The following DIDO1 variants were observed in gnomAD, a reference collection of about 807,000 sequenced individuals.
DIDO1 encodes death inducer-obliterator 1.
Under a neutral mutation model 99.4 loss-of-function variants are expected in DIDO1, and 16 were observed. The observed-to-expected ratio is 0.16, with a 90% CI of 0.11 to 0.24. DIDO1 has a LOEUF of 0.24. Among genes scored for constraint, DIDO1 ranks in the 10% least tolerant of loss-of-function variants. The pLI is 1.00. For missense variants in DIDO1, 2,996 were observed against 3,014.0 expected, an observed-to-expected ratio of 0.99 and a Z score of 0.14; for synonymous variants, 1,366 against 1,239.1, an observed-to-expected ratio of 1.10 and a Z score of -2.15.
chr20:62,923,726 G>A (rs919147052), intron 1 of DIDO1, among the ~76,000 whole-genome samples: 7 of 152,068 alleles, frequency 4.6e-5, no homozygotes, highest in Non-Finnish European at 1.0e-4. Context: ...ACACATTAAG[G>A]TATCTTCATT....
chr20:62,896,747 T>A lies in DIDO1; in HGVS notation c.1838A>T (p.Gln613Leu). Residue 613 changes from glutamine to leucine, a missense_variant, in exon 7 of 16, where the codon CAG becomes CTG. Gln to Leu is a moderately radical substitution (Grantham distance 113). This residue lies in a region of DIDO1 where 898 missense variants were observed against 972.7 expected (regional missense o/e 0.92). Transcript: ENST00000395343. This position sits in a 1 kb window ranked among gnomAD's most constrained non-coding sequence, Gnocchi z 4.4. Reference protein sequence around the residue: ...TPSSGASAARQAGPAPAAATA... With the variant: ...TPSSGASAARLAGPAPAAATA... ...TGCCGCTGCAGGTGCCGGTCCGGCC[T>A]GCCTGGCAGCTGAAGCACCACTCGA... 6.2e-7 allele frequency: 1 copy of A among 1,613,478 alleles called. No individual in the cohort carries two copies. Among genetic ancestry groups the A allele is most frequent in the Non-Finnish European group, 8.5e-7 (1 of 1,179,564 alleles).
chr20:62,913,013 G>A (rs1320537231), intron 2 of DIDO1, among the ~76,000 whole-genome samples: 3 of 152,166 alleles, frequency 2.0e-5, no homozygotes, highest in Admixed American at 6.5e-5. Flanking sequence ...GCCTGGGCGA[G>A]CAAGACTCAG....
At chr20:62,919,812 T>C (rs1008779189) in intron 1 of DIDO1, among the ~76,000 whole-genome samples, 5 of 152,212 alleles carry the variant, frequency 3.3e-5, no homozygotes, top group South Asian at 2.1e-4. Context: ...TACTTCCTAG[T>C]GCAAAACACA....
intron 6 of DIDO1, among the ~76,000 whole-genome samples, chr20:62,898,091 A>T (rs1004208395): frequency 6.6e-6 from 1 of 152,206 alleles, no homozygotes; most frequent in African/African-American, 2.4e-5. Context: ...GGAGAATGTG[A>T]CAGATGCTCC....
At chr20:62,898,888 G>A (rs571130064) in intron 6 of DIDO1, among the ~76,000 whole-genome samples, 1 of 152,346 alleles carries the variant, frequency 6.6e-6, no homozygotes, top group East Asian at 1.9e-4. Context: ...CACTACCTTA[G>A]TGTTTGAAAA....
chr20:62,888,669 C>T (rs992063510), intron 15 of DIDO1: 90 of 985,368 alleles, frequency 9.1e-5, no homozygotes, highest in Middle Eastern at 5.2e-4. Context: ...CACACACGCG[C>T]GCACATGCAC....
chr20:62,894,609 A>T lies in DIDO1; in HGVS notation c.2437-61T>A. ...CTTCTCCAAACTCAGCTCCAAATTAACCACACACAAGAAAAGCAGTCTCAT... is the reference window on the plus strand; with the variant it reads ...CTTCTCCAAACTCAGCTCCAAATTATCCACACACAAGAAAAGCAGTCTCAT... On this transcript the variant is annotated intron_variant, in intron 10 of 15. Transcript: ENST00000395343. The surrounding 1 kb of genome is among the most constrained non-coding windows in gnomAD (Gnocchi z 4.4). 1.3e-6 allele frequency: 2 copies of T among 1,576,314 alleles called. No homozygotes were observed. Among genetic ancestry groups the T allele is most frequent in the East Asian group, 4.5e-5 (2 of 44,316 alleles).
chr20:62,911,133 G>A lies in DIDO1; in HGVS notation c.480C>T (p.Thr160=), dbSNP rs768683986. The part of the protein sequence containing the change: ...DTSDSDSDGL[T]LKELQNRLRR... ...GAAGGCGATTCTGAAGCTCTTTCAA[G>A]GTCAGGCCATCGCTGTCACTATCGG... The change falls in exon 3 of 16, where the codon ACC becomes ACT. Residue 160 remains threonine (T), a synonymous_variant. Coordinates refer to ENST00000395343, the MANE Select transcript of DIDO1 (RefSeq NM_001193369.2). This position sits in a 1 kb window ranked among gnomAD's most constrained non-coding sequence, Gnocchi z 7.0. 6.2e-7 allele frequency: 1 copy of A among 1,613,972 alleles called. No homozygotes were observed. The highest frequency in any genetic ancestry group is 1.3e-5 in the African/African-American group (1 of 74,942).
upstream of DIDO1, among the ~76,000 whole-genome samples, chr20:62,929,692 A>AATATATATATATATATATATATAT: frequency 2.0e-4 from 13 of 63,726 alleles, 1 homozygote; most frequent in South Asian, 6.2e-3. Context: ...AAAAAGAAAA[A>AATATATATATATATATATATATAT]GTGTATATAT....
At chr20:62,918,884 A>G (rs1439162010) in intron 1 of DIDO1, among the ~76,000 whole-genome samples, 1 of 152,208 alleles carries the variant, frequency 6.6e-6, no homozygotes, top group Non-Finnish European at 1.5e-5. Flanking sequence ...TTAAACTACC[A>G]CAAATGAAGG....
chr20:62,925,033 G>A lies in DIDO1; in HGVS notation c.-200+1406C>T, dbSNP rs115582775. Among the ~76,000 whole-genome samples the A allele has an allele frequency of 1.7e-3, 257 of 152,336 alleles. 1 individual carries two copies. The highest frequency in any genetic ancestry group is 6.0e-3 in the African/African-American group (248 of 41,582). ...AAGCAGGGAGTTTCACAACAGGGCTGTGTCTGTCTTCCTGGGTGACACTTC... is the reference window on the plus strand; with the variant it reads ...AAGCAGGGAGTTTCACAACAGGGCTATGTCTGTCTTCCTGGGTGACACTTC... On this transcript the variant is annotated intron_variant, in intron 1 of 15. Coordinates refer to ENST00000395343, the MANE Select transcript of DIDO1 (RefSeq NM_001193369.2).
intron 3 of DIDO1, among the ~76,000 whole-genome samples, chr20:62,910,380 T>C (rs1053726299): frequency 3.9e-5 from 6 of 152,226 alleles, no homozygotes; most frequent in Non-Finnish European, 5.9e-5. Context: ...ATGTTTGCAC[T>C]AGGACACTTG....
upstream of DIDO1, among the ~76,000 whole-genome samples, chr20:62,929,692 A>AAAAAAAAAATATATATATATATATAT: frequency 1.6e-4 from 10 of 63,732 alleles, no homozygotes; most frequent in African/African-American, 7.6e-4. Flanking sequence ...AAAAAGAAAA[A>AAAAAAAAAATATATATATATATATAT]GTGTATATAT....
In DIDO1 at chr20:62,881,851, G is replaced by C; in HGVS notation, c.4105C>G (p.Gln1369Glu). The C allele has an allele frequency of 1.2e-6, 2 of 1,613,546 alleles. No homozygotes were observed. The highest frequency in any genetic ancestry group is 1.1e-5 in the South Asian group (1 of 91,064). ...LLDPIVQQFG[Q>E]FSKDKALEEE... The stretch of plus-strand genomic sequence containing the variant: ...TCTAGAGCCTTATCTTTTGAGAACT[G>C]ACCGAACTGCTGGACGATCGGATCT... The change falls in exon 16 of 16, where the codon CAG becomes GAG. Residue 1369 changes from glutamine to glutamate, a missense_variant. By Grantham distance (29) the Gln-to-Glu change is conservative. This residue lies in a region of DIDO1 where 1,562 missense variants were observed against 1,412.6 expected (regional missense o/e 1.11). Transcript: ENST00000395343. This position sits in a 1 kb window ranked among gnomAD's most constrained non-coding sequence, Gnocchi z 8.3.
chr20:62,911,460 T>G lies in DIDO1; in HGVS notation c.153A>C (p.Pro51=). ...ACAGGCCCAGCTGCTGCTGTGGGGG[T>G]GGCGGCTCCAGTGGGTCAGCCTCCG... ...GDAEADPLEP[P]PPQQQLGLSL... Residue 51 remains proline, a synonymous_variant, in exon 3 of 16, where the codon CCA becomes CCC. Coordinates refer to ENST00000395343, the MANE Select transcript of DIDO1 (RefSeq NM_001193369.2). This position sits in a 1 kb window ranked among gnomAD's most constrained non-coding sequence, Gnocchi z 7.0. 1 of 1,611,910 alleles carries G rather than the reference T, an allele frequency of 6.2e-7. No homozygotes were observed. Among genetic ancestry groups the G allele is most frequent in the Non-Finnish European group, 8.5e-7 (1 of 1,179,132 alleles).
intron 1 of DIDO1, among the ~76,000 whole-genome samples, chr20:62,925,943 G>C (rs1393851539): frequency 6.6e-6 from 1 of 152,202 alleles, no homozygotes; most frequent in Admixed American, 6.5e-5. Flanking sequence ...ATCCCCCGAA[G>C]GCACGCCAGA....
intron 1 of DIDO1, among the ~76,000 whole-genome samples, chr20:62,933,523 A>G (rs1422855066): frequency 6.6e-6 from 1 of 152,242 alleles, no homozygotes; most frequent in Non-Finnish European, 1.5e-5. Context: ...CCATGGGAAT[A>G]ATGTGGTTTT....
Position 62,880,621 on chromosome 20 carries a change from G to A in DIDO1, c.5335C>T (p.Pro1779Ser). The change falls in exon 16 of 16, where the codon CCT becomes TCT. Residue 1779 changes from proline to serine, a missense_variant. Coordinates refer to ENST00000395343, the MANE Select transcript of DIDO1 (RefSeq NM_001193369.2). ...GCGATATTCTCTTCTGGAAACGGAG[G>A]GGCTGGCCCCCTTGGTCCCGGGAAA... Reference protein sequence around the residue: ...PNFPGPRGPAPPFPEENIASN... With the variant: ...PNFPGPRGPASPFPEENIASN... 6.2e-7 allele frequency: 1 copy of A among 1,612,940 alleles called. No homozygotes were observed. Among genetic ancestry groups the A allele is most frequent in the African/African-American group, 1.3e-5 (1 of 75,078 alleles).
chr20:62,925,734 CG>C (rs1288513147), intron 1 of DIDO1, among the ~76,000 whole-genome samples: 1 of 152,236 alleles, frequency 6.6e-6, no homozygotes, highest in Non-Finnish European at 1.5e-5. Context: ...TCCCGCCGAG[CG>C]CAAGAGCGGG....
Sources: allele counts gnomAD v4.1 joint callset (sites outside exome capture counted in the v4.1 genomes callset), GRCh38; gene constraint gnomAD v4.1.1; regional missense constraint gnomAD v4.1.1; non-coding constraint Gnocchi (gnomAD v3.1); transcripts MANE v1.5; gene names NCBI Gene and HGNC (gene_info 2026-07-23, HGNC 2026-07-21).